The following SCNN1D variants were observed in gnomAD, a reference collection of about 807,000 sequenced individuals.
SCNN1D encodes the protein sodium channel epithelial 1 subunit delta, also known as epithelial sodium channel subunit delta.
In SCNN1D, 104 loss-of-function variants were observed where a neutral mutation model predicts 87.8. That is an observed-to-expected ratio of 1.18 (90% CI 1.01 to 1.39). The LOEUF (loss-of-function observed/expected upper bound fraction) is 1.39. Ranked by LOEUF, SCNN1D falls within the 40% of genes most tolerant of loss-of-function variation. The probability of loss-of-function intolerance (pLI) is 0.00; values close to 1 mark genes in which losing one functional copy is unlikely to be tolerated. For missense variants in SCNN1D, 1,324 were observed against 1,093.9 expected, an observed-to-expected ratio of 1.21 and a Z score of -2.97; for synonymous variants, 628 against 481.2, an observed-to-expected ratio of 1.31 and a Z score of -3.99.
At chr1:1,282,763 T>A (rs1030876783) in intron 4 of SCNN1D, among the ~76,000 whole-genome samples, 2 of 151,780 alleles carry the variant, frequency 1.3e-5, no homozygotes. Context: ...TTTCTTTTTT[T>A]TTTTTTTGAG....
In SCNN1D at chr1:1,291,041, C is replaced by T. The variant is rs780132068; in HGVS notation, c.1977-24C>T. 13 of 1,609,530 alleles carry T rather than the reference C, an allele frequency of 8.1e-6. No homozygotes were observed. In the East Asian group the frequency reaches 1.6e-4, roughly 19 times the overall value. Reference sequence around the variant, plus strand: ...CCATCATGAAGGTCTGGGCCAGCGCCCTCATGCCTCTATCCTGCCCCAGGA... The same window carrying T: ...CCATCATGAAGGTCTGGGCCAGCGCTCTCATGCCTCTATCCTGCCCCAGGA... On this transcript the variant is annotated intron_variant, in intron 16 of 17. Coordinates refer to ENST00000379116, the MANE Select transcript of SCNN1D (RefSeq NM_001130413.4).
chr1:1,288,752 CCGTCCCGTGTCCCTGCT>C, intron 12 of SCNN1D, among the ~76,000 whole-genome samples: 1 of 5,406 alleles, frequency 1.8e-4, no homozygotes, highest in Non-Finnish European at 2.7e-4. Flanking sequence ...TGTCTCTGCT[CCGTCCCGTGTCCCTGCT>C]CCGTCCCGTG....
chr1:1,284,099 G>C lies in SCNN1D; in HGVS notation c.464+9G>C. ...GGGGCTCTCACCTCCAGGTACCGTG[G>C]GGGGGGGTGAGGGGGGTGGGGGGGT... On this transcript the variant is annotated intron_variant, in intron 5 of 17. Coordinates refer to ENST00000379116, the MANE Select transcript of SCNN1D (RefSeq NM_001130413.4). 5.1e-6 allele frequency: 1 copy of C among 194,842 alleles called. No homozygotes were observed. Among genetic ancestry groups the C allele is most frequent in the Non-Finnish European group, 5.9e-6 (1 of 168,686 alleles). The allele number at this position is 194,842 out of a possible 1,614,324, so 12.1% of individuals were successfully genotyped here.
At chr1:1,283,374 G>A (rs185286602) in intron 4 of SCNN1D, among the ~76,000 whole-genome samples, 11 of 152,272 alleles carry the variant, frequency 7.2e-5, no homozygotes, top group South Asian at 2.1e-4. Flanking sequence ...CCACGGCCCC[G>A]GATCTGAGTT....
Position 1,291,107 on chromosome 1 carries a change from C to T in SCNN1D, c.2019C>T (p.Asn673=), listed in dbSNP as rs1640798565. ...AKINIVYQEL[N]YRSVEEAPVY... ...TCAACATCGTCTACCAGGAGCTCAACTACCGCTCAGTGGAGGAGGCGCCCG... is the reference window on the plus strand; with the variant it reads ...TCAACATCGTCTACCAGGAGCTCAATTACCGCTCAGTGGAGGAGGCGCCCG... Residue 673 remains asparagine (N), a synonymous_variant, in exon 17 of 18, where the codon AAC becomes AAT. Coordinates refer to ENST00000379116, the MANE Select transcript of SCNN1D (RefSeq NM_001130413.4). The T allele has an allele frequency of 1.2e-6, 2 of 1,612,408 alleles. No individual in the cohort carries two copies. The highest frequency in any genetic ancestry group is 2.2e-5 in the East Asian group (1 of 44,876).
chr1:1,287,322 A>G (rs752571638), intron 9 of SCNN1D, 23 bp downstream of exon 9: 12 of 1,545,022 alleles, frequency 7.8e-6, no homozygotes, highest in Admixed American at 3.8e-5. Flanking sequence ...GGCGGGGGCC[A>G]CTCCTTCCGT....
chr1:1,287,485 C>CCGAA, intron 9 of SCNN1D, 23 bp from the exon 10 acceptor site: 1 of 1,516,254 alleles, frequency 6.6e-7, no homozygotes, highest in Non-Finnish European at 8.8e-7. Flanking sequence ...CATTCAAGGT[C>CCGAA]TGAGCTTGGC....
chr1:1,291,381 G>C lies in SCNN1D; in HGVS notation c.2180G>C (p.Arg727Pro), dbSNP rs147707193. 2 of 1,608,302 alleles carry C rather than the reference G, an allele frequency of 1.2e-6. No homozygotes were observed. The highest frequency in any genetic ancestry group is 1.7e-5 in the Admixed American group (1 of 59,506). The change falls in exon 18 of 18, where the codon CGC (arginine) becomes CCC (proline). Residue 727 changes from arginine to proline, a missense_variant. By Grantham distance (103) the Arg-to-Pro change is moderately radical. Transcript: ENST00000379116. ...GCCCTCACCCTGGTGCTAGGCGGCC[G>C]CCGGCTCCGCAGGGCGTGGTTCTCC... The part of the protein sequence containing the change: ...ASALTLVLGG[R>P]RLRRAWFSWP...
rs2100324054 is a variant in SCNN1D at position 1,286,071 on chromosome 1, G to A, written c.704G>A (p.Gly235Asp). 1 of 1,600,490 alleles carries A rather than the reference G, an allele frequency of 6.2e-7. No homozygotes were observed. The highest frequency in any genetic ancestry group is 2.3e-5 in the East Asian group (1 of 44,340). ...TFFCTNATIH[G>D]AIRLVCSRGN... is the part of the protein sequence containing the mutation. Reference sequence around the variant, plus strand: ...TTCTGCACCAATGCCACCATCCACGGCGCCATCCGCCTGGTCTGCTCCCGC... The same window carrying A: ...TTCTGCACCAATGCCACCATCCACGACGCCATCCGCCTGGTCTGCTCCCGC... The change falls in exon 7 of 18, where the codon GGC becomes GAC. Residue 235 changes from glycine (G) to aspartate (D), a missense_variant. Transcript: ENST00000379116.
chr1:1,283,211 C>G (rs567125036), intron 4 of SCNN1D, among the ~76,000 whole-genome samples: 1 of 152,192 alleles, frequency 6.6e-6, no homozygotes, highest in Non-Finnish European at 1.5e-5. Context: ...CTCGGGGGAG[C>G]AGGTGCCTTC....
chr1:1,281,598 G>A lies in SCNN1D; in HGVS notation c.265G>A (p.Gly89Arg). 2 of 1,535,626 alleles carry A rather than the reference G, an allele frequency of 1.3e-6. No homozygotes were observed. ...PLCLLSGPIQ[G>R]CGTGLGDSSM... is the part of the protein sequence containing the mutation. Reference sequence around the variant, plus strand: ...CTGCCTACTCTCTGGCCCGATACAGGGGTGTGGGACAGGTGACTGAACCTC... The same window carrying A: ...CTGCCTACTCTCTGGCCCGATACAGAGGTGTGGGACAGGTGACTGAACCTC... The change falls in exon 3 of 18, where the codon GGG becomes AGG. Residue 89 changes from glycine (G) to arginine (R), a missense_variant. Physicochemically the swap from Gly to Arg is moderately radical, Grantham distance 125. Coordinates refer to ENST00000379116, the MANE Select transcript of SCNN1D (RefSeq NM_001130413.4).
intron 4 of SCNN1D, among the ~76,000 whole-genome samples, chr1:1,282,581 A>G (rs1462922221): frequency 6.6e-6 from 1 of 152,126 alleles, no homozygotes; most frequent in Non-Finnish European, 1.5e-5. Context: ...CTGGGGCTGA[A>G]GACGCCAGCC....
In SCNN1D at chr1:1,291,713, AAGC is replaced by A. The variant is rs1640825319; in HGVS notation, c.*108_*110del. The A allele has an allele frequency of 1.2e-6, 1 of 845,098 alleles. No individual in the cohort carries two copies. The highest frequency in any genetic ancestry group is 1.7e-6 in the Non-Finnish European group (1 of 572,876). The allele number at this position is 845,098 out of a possible 1,614,324, so 52.3% of individuals were successfully genotyped here. A position where few individuals can be genotyped will look rare whatever the true frequency, so the allele number is the denominator to read the frequency against. On this transcript the variant is annotated 3_prime_UTR_variant, in exon 18 of 18. Transcript: ENST00000379116. ...GGGTGGGCCAGACCAGCAGCCCAGG[AAGC>A]AGCACACGCGGCCGTGGGGAGGCAG... is the stretch of plus-strand genomic sequence containing the variant.
intron 8 of SCNN1D, 32 bp from the exon 9 acceptor site, chr1:1,287,077 C>T: frequency 6.3e-7 from 1 of 1,579,940 alleles, no homozygotes; most frequent in South Asian, 1.1e-5. Context: ...TGGGCTGTAG[C>T]CACAGAGCTG....
At chr1:1,285,840 C>A in intron 6 of SCNN1D, 86 bp from the exon 7 acceptor site, 1 of 1,377,996 alleles carries the variant, frequency 7.3e-7, no homozygotes, top group Non-Finnish European at 9.8e-7. Flanking sequence ...GGGCGGGGCA[C>A]TGGTGGCTGA....
rs781195953 is a variant in SCNN1D at position 1,281,347 on chromosome 1, G to A, written c.77+50G>A. ...AATGGGGCCTGGCCGTCTTTCCTGG[G>A]AGAGAGCAGAGGCATGGGCCCAAAG... is the stretch of plus-strand genomic sequence containing the variant. On this transcript the variant is annotated intron_variant, in intron 2 of 17. Coordinates refer to ENST00000379116, the MANE Select transcript of SCNN1D (RefSeq NM_001130413.4). 3.3e-6 allele frequency: 5 copies of A among 1,535,068 alleles called. No homozygotes were observed. The South Asian group carries it at 4.8e-5, about 15-fold the overall frequency.
intron 4 of SCNN1D, 26 bp from the exon 5 acceptor site, chr1:1,283,952 A>C (rs1640519207): frequency 7.2e-7 from 1 of 1,389,244 alleles, no homozygotes; most frequent in South Asian, 1.5e-5. Context: ...GCACAGTCCC[A>C]CGCCCAGCCA....
chr1:1,291,211 CG>C, intron 17 of SCNN1D, 42 bp from the exon 18 acceptor site: 1 of 1,576,376 alleles, frequency 6.3e-7, no homozygotes, highest in Non-Finnish European at 8.6e-7. Flanking sequence ...AGAAGGGGCA[CG>C]GGGGCCTGGG....
chr1:1,288,680 G>A (rs1243957994), intron 12 of SCNN1D, among the ~76,000 whole-genome samples: 1 of 58,622 alleles, frequency 1.7e-5, no homozygotes, highest in Admixed American at 2.1e-4. Context: ...TCTCTGCTCC[G>A]TCCCGTGTCC....
Sources: allele counts gnomAD v4.1 joint callset (sites outside exome capture counted in the v4.1 genomes callset), GRCh38; gene constraint gnomAD v4.1.1; transcripts MANE v1.5; gene names NCBI Gene and HGNC (gene_info 2026-07-23, HGNC 2026-07-21).